The following MAP3K20 variants were observed in gnomAD, a reference collection of about 807,000 sequenced individuals.
MAP3K20 encodes the protein mitogen-activated protein kinase kinase kinase 20, also known as HCCS-4.
In MAP3K20, 40 loss-of-function variants were observed where a neutral mutation model predicts 85.7. The observed-to-expected ratio is 0.47, with a 90% CI of 0.36 to 0.61. The LOEUF is 0.61. MAP3K20 is among the 20% of genes least tolerant of loss of function. The pLI, the probability that MAP3K20 is intolerant of heterozygous loss-of-function variation, is 0.00. For synonymous variants in MAP3K20, 325 were observed against 327.7 expected (o/e 0.99, Z 0.09); for missense variants, 817 against 961.7 (o/e 0.85, Z 1.99).
intron 18 of MAP3K20, among the ~76,000 whole-genome samples, chr2:173,263,240 C>T (rs972988834): frequency 6.6e-6 from 1 of 152,132 alleles, no homozygotes; most frequent in East Asian, 1.9e-4. Flanking sequence ...CTTTCCCCTC[C>T]GTGCAGGTAA....
At chr2:173,150,391 C>T (rs541411678) in intron 2 of MAP3K20, among the ~76,000 whole-genome samples, 3 of 152,278 alleles carry the variant, frequency 2.0e-5, no homozygotes, top group African/African-American at 7.2e-5. Context: ...ACTTTTCCAA[C>T]GCTCTATTCT....
intron 1 of MAP3K20, among the ~76,000 whole-genome samples, chr2:173,080,902 A>G (rs931362169): frequency 2.6e-5 from 4 of 152,172 alleles, no homozygotes; most frequent in African/African-American, 7.2e-5. Context: ...CCAGGCTTCC[A>G]TTTAAGAAAA....
intron 16 of MAP3K20, among the ~76,000 whole-genome samples, chr2:173,251,088 T>A (rs902452211): frequency 1.3e-5 from 2 of 152,156 alleles, no homozygotes; most frequent in African/African-American, 4.8e-5. Context: ...ATTGTCAACA[T>A]CTTACTACTT....
At chr2:173,201,508 T>C (rs1691060936) in intron 8 of MAP3K20, among the ~76,000 whole-genome samples, 1 of 152,192 alleles carries the variant, frequency 6.6e-6, no homozygotes. Context: ...TCCACTGTTC[T>C]TGACTATACT....
At chr2:173,078,591 C>T (rs1477104251) in intron 1 of MAP3K20, among the ~76,000 whole-genome samples, 2 of 152,134 alleles carry the variant, frequency 1.3e-5, no homozygotes, top group East Asian at 1.9e-4. Flanking sequence ...GACCCTCCTA[C>T]GGATGCTGAA....
At chr2:173,168,734 A>G (rs1438171722) in intron 2 of MAP3K20, among the ~76,000 whole-genome samples, 1 of 152,052 alleles carries the variant, frequency 6.6e-6, no homozygotes, top group Non-Finnish European at 1.5e-5. Context: ...AACTTACGTG[A>G]TTTTATACCT....
chr2:173,080,157 T>C (rs1686975183), intron 1 of MAP3K20, among the ~76,000 whole-genome samples: 1 of 152,230 alleles, frequency 6.6e-6, no homozygotes, highest in African/African-American at 2.4e-5. Flanking sequence ...ATTACAATCT[T>C]ATGGGATCGC....
At chr2:173,168,002 A>G (rs1203416700) in intron 2 of MAP3K20, among the ~76,000 whole-genome samples, 1 of 152,154 alleles carries the variant, frequency 6.6e-6, no homozygotes, top group Admixed American at 6.5e-5. Flanking sequence ...AGTTGGTCCT[A>G]CCACTTAAAA....
At chr2:173,249,986 C>T (rs1473087182) in intron 16 of MAP3K20, among the ~76,000 whole-genome samples, 1 of 152,174 alleles carries the variant, frequency 6.6e-6, no homozygotes, top group Non-Finnish European at 1.5e-5. Flanking sequence ...ACCTTATCTC[C>T]ACCGGTGTCT....
chr2:173,193,865 T>C (rs1690738668), intron 7 of MAP3K20, among the ~76,000 whole-genome samples: 1 of 152,160 alleles, frequency 6.6e-6, no homozygotes, highest in African/African-American at 2.4e-5. Context: ...TTGGTTTGGT[T>C]TTGGAGGGAT....
At chr2:173,086,933 A>G (rs182316718) in intron 1 of MAP3K20, among the ~76,000 whole-genome samples, 1 of 152,362 alleles carries the variant, frequency 6.6e-6, no homozygotes, top group Non-Finnish European at 1.5e-5. Context: ...GAAGAAGCCT[A>G]GGCAGCAGTT....
chr2:173,086,901 G>A (rs944046832), intron 1 of MAP3K20, among the ~76,000 whole-genome samples: 41 of 152,206 alleles, frequency 2.7e-4, no homozygotes, highest in Non-Finnish European at 1.2e-4. Flanking sequence ...ACCCAGTACT[G>A]AAAGTCCCAA....
At chr2:173,150,825 G>A (rs1301965837) in intron 2 of MAP3K20, among the ~76,000 whole-genome samples, 1 of 152,130 alleles carries the variant, frequency 6.6e-6, no homozygotes, top group Admixed American at 6.5e-5. Context: ...ACCTCCCAAA[G>A]TGCTGAGATT....
rs1356460185 is a variant in MAP3K20 at position 173,225,247 on chromosome 2, G to A, written c.988-4442G>A. 5 of 546,656 alleles carry A rather than the reference G, an allele frequency of 9.1e-6. No individual in the cohort carries two copies. In the African/African-American group the frequency reaches 1.0e-4, roughly 11 times the overall value. The allele number at this position is 546,656 out of a possible 1,614,324, so 33.9% of individuals were successfully genotyped here. On this transcript the variant is annotated intron_variant, in intron 11 of 19. Coordinates refer to ENST00000375213, the MANE Select transcript of MAP3K20 (RefSeq NM_016653.3). ...ACTGGGGTGGCATTTGCTGCCCAGT[G>A]CCAGGAATAGTAACATTATGAATGC...
rs1350308140 is a variant in MAP3K20 at position 173,095,532 on chromosome 2, A to G, written c.159+4342A>G. Among the ~76,000 whole-genome samples the G allele has an allele frequency of 3.3e-5, 5 of 152,220 alleles. No individual in the cohort carries two copies. In the East Asian group the frequency reaches 9.6e-4, roughly 29 times the overall value. ...TTAGCTACATCTGTGATACACTGCT[A>G]TTAGGAATGTAAATTGGTAAACCTT... On this transcript the variant is annotated intron_variant, in intron 2 of 19. Coordinates refer to ENST00000375213, the MANE Select transcript of MAP3K20 (RefSeq NM_016653.3).
At chr2:173,111,127 G>A (rs1687962833) in intron 2 of MAP3K20, among the ~76,000 whole-genome samples, 1 of 152,076 alleles carries the variant, frequency 6.6e-6, no homozygotes, top group Non-Finnish European at 1.5e-5. Context: ...GGCCATTCTT[G>A]CAGGAGTGAG....
At chr2:173,190,966 T>C in intron 6 of MAP3K20, 43 bp downstream of exon 6, 2 of 1,608,214 alleles carry the variant, frequency 1.2e-6, no homozygotes, top group Non-Finnish European at 1.7e-6. Flanking sequence ...TAATTTCAGA[T>C]GTAGATTTTT....
At position 173,243,025 on chromosome 2, in the gene MAP3K20, T is replaced by C. The variant is rs184192582; in HGVS notation, c.1359+3529T>C. On this transcript the variant is annotated intron_variant, in intron 16 of 19. Coordinates refer to ENST00000375213, the MANE Select transcript of MAP3K20 (RefSeq NM_016653.3). ...CAGCCCAGAGTAATAATTTTATCTA[T>C]TCATTTGGCAGGCATTTACTGAGGA... 2.3e-3 allele frequency among the ~76,000 whole-genome samples: 349 copies of C among 152,220 alleles called. 3 individuals are homozygous for C. Among genetic ancestry groups the C allele is most frequent in the African/African-American group, 7.8e-3 (323 of 41,542 alleles).
chr2:173,228,296 A>G (rs1437533312), intron 11 of MAP3K20, among the ~76,000 whole-genome samples: 1 of 151,684 alleles, frequency 6.6e-6, no homozygotes, highest in East Asian at 1.9e-4. Context: ...ACTGCCTTCC[A>G]TTCCCATCCT....
Sources: allele counts gnomAD v4.1 joint callset (sites outside exome capture counted in the v4.1 genomes callset), GRCh38; gene constraint gnomAD v4.1.1; transcripts MANE v1.5; gene names NCBI Gene and HGNC (gene_info 2026-07-23, HGNC 2026-07-21).